The following SLC40A1 variants were observed in gnomAD, a reference collection of about 807,000 sequenced individuals.
SLC40A1 encodes solute carrier family 40 member 1, also known as ferroportin.
SLC40A1 carries 16 observed loss-of-function variants against 53.5 expected under a neutral mutation model. The ratio of observed to expected loss-of-function variants is 0.30; its 90% CI spans 0.20 to 0.45. The LOEUF is 0.45. SLC40A1 is among the 20% of genes least tolerant of loss of function. The pLI, the probability that SLC40A1 is intolerant of heterozygous loss-of-function variation, is 1.00. For synonymous variants in SLC40A1, 247 were observed against 253.2 expected (o/e 0.98, Z 0.23); for missense variants, 545 against 695.4 (o/e 0.78, Z 2.43).
intron 5 of SLC40A1, among the ~76,000 whole-genome samples, chr2:189,571,003 T>C (rs2031108406): frequency 6.6e-6 from 1 of 152,144 alleles, no homozygotes; most frequent in South Asian, 2.1e-4. Context: ...CCAAATTGTG[T>C]CTGTGTGTCA....
chr2:189,570,334 T>C (rs13415306), intron 5 of SLC40A1, among the ~76,000 whole-genome samples: 25 of 152,096 alleles, frequency 1.6e-4, no homozygotes, highest in African/African-American at 5.8e-4. Context: ...CCAACAAATA[T>C]ATGTGTGATC....
Position 189,562,263 on chromosome 2 carries a change from C to A in SLC40A1, c.1403-72G>T, listed in dbSNP as rs1179040780. ...TACATTTCAAATCACAGATAAAAAT[C>A]TGTTGACATATGCAAAATATACATT... is the stretch of plus-strand genomic sequence containing the variant. On this transcript the variant is annotated intron_variant, in intron 7 of 7. Coordinates refer to ENST00000261024, the MANE Select transcript of SLC40A1 (RefSeq NM_014585.6). The A allele has an allele frequency of 8.2e-6, 10 of 1,220,180 alleles. No individual in the cohort carries two copies. In the East Asian group the frequency reaches 2.6e-4, roughly 31 times the overall value. The allele number at this position is 1,220,180 out of a possible 1,614,324, so 75.6% of individuals were successfully genotyped here. A position where few individuals can be genotyped will look rare whatever the true frequency, so the allele number is the denominator to read the frequency against.
rs570067165 is a variant in SLC40A1 at position 189,565,277 on chromosome 2, C to A, written c.760+77G>T. On this transcript the variant is annotated intron_variant, in intron 6 of 7. Transcript: ENST00000261024. Reference sequence around the variant, plus strand: ...CTGGTAATAAAACCTGATACAAATTCAAAATAGTTTTGATCTTCACCAACA... The same window carrying A: ...CTGGTAATAAAACCTGATACAAATTAAAAATAGTTTTGATCTTCACCAACA... 7.0e-6 allele frequency: 11 copies of A among 1,581,010 alleles called. 1 individual carries two copies. The South Asian group carries it at 7.8e-5, about 11-fold the overall frequency.
chr2:189,572,250 G>T (rs576754055), intron 4 of SLC40A1, among the ~76,000 whole-genome samples: 1 of 152,116 alleles, frequency 6.6e-6, no homozygotes, highest in East Asian at 1.9e-4. Context: ...ATCAACTAAC[G>T]TTCACTTTGT....
intron 3 of SLC40A1, among the ~76,000 whole-genome samples, chr2:189,574,237 T>C (rs890016839): frequency 6.6e-6 from 1 of 152,212 alleles, no homozygotes; most frequent in African/African-American, 2.4e-5. Context: ...TTTCTATGTA[T>C]AATATTCCTA....
rs541881127 is a variant in SLC40A1, at chr2:189,565,814, T to C, written c.515-215A>G. Among the ~76,000 whole-genome samples the C allele has an allele frequency of 2.6e-5, 4 of 152,360 alleles. No homozygotes were observed. In the South Asian group the frequency reaches 8.3e-4, roughly 32 times the overall value. On this transcript the variant is annotated intron_variant, in intron 5 of 7. Transcript: ENST00000261024. ...CTCAACAATGATAATCCCCTTGGAA[T>C]TGCATAAATCAGTCTAATAGCTTTT...
chr2:189,577,979 T>C (rs909081718), intron 2 of SLC40A1, among the ~76,000 whole-genome samples: 4 of 152,118 alleles, frequency 2.6e-5, no homozygotes. Flanking sequence ...CATTGGCAGA[T>C]AGAAATGAAG....
rs1195748336 is a variant in SLC40A1, at chr2:189,561,208, A to G, written c.*670T>C. 1 of 152,310 alleles carries G rather than the reference A, an allele frequency of 6.6e-6. No individual in the cohort carries two copies. Among genetic ancestry groups the G allele is most frequent in the African/African-American group, 2.4e-5 (1 of 41,454 alleles). The allele number at this position is 152,310 out of a possible 1,614,324, so 9.4% of individuals were successfully genotyped here. On this transcript the variant is annotated 3_prime_UTR_variant, in exon 8 of 8. Coordinates refer to ENST00000261024, the MANE Select transcript of SLC40A1 (RefSeq NM_014585.6). ...AAATCTACTTTACAGCTTTGCTTCTACCTGCAGCTTACATGATAACCATGC... is the reference window on the plus strand; with the variant it reads ...AAATCTACTTTACAGCTTTGCTTCTGCCTGCAGCTTACATGATAACCATGC...
chr2:189,575,420 C>G, intron 2 of SLC40A1, 100 bp from the exon 3 acceptor site: 1 of 1,091,628 alleles, frequency 9.2e-7, no homozygotes, highest in Non-Finnish European at 1.4e-6. Flanking sequence ...TTCCTGGCTA[C>G]ATTATGAGAC....
At chr2:189,576,230 T>C (rs2031281898) in intron 2 of SLC40A1, among the ~76,000 whole-genome samples, 1 of 152,200 alleles carries the variant, frequency 6.6e-6, no homozygotes, top group Non-Finnish European at 1.5e-5. Flanking sequence ...TGTTCCATCA[T>C]AACTTATCTC....
At chr2:189,576,443 T>G (rs1245536724) in intron 2 of SLC40A1, among the ~76,000 whole-genome samples, 1 of 152,232 alleles carries the variant, frequency 6.6e-6, no homozygotes, top group Non-Finnish European at 1.5e-5. Context: ...AAAACTTAAA[T>G]TGATGCATGT....
chr2:189,567,691 A>C (rs902504105), intron 5 of SLC40A1, among the ~76,000 whole-genome samples: 2 of 152,226 alleles, frequency 1.3e-5, no homozygotes, highest in African/African-American at 4.8e-5. Flanking sequence ...TTCCTTCTGT[A>C]ATTCTTCCTG....
chr2:189,569,354 ACCTG>A (rs1276747271), intron 5 of SLC40A1, among the ~76,000 whole-genome samples: 1 of 152,158 alleles, frequency 6.6e-6, no homozygotes, highest in Non-Finnish European at 1.5e-5. Flanking sequence ...CTAGGCCCCT[ACCTG>A]GGTTTCTTTG....
chr2:189,577,076 C>T (rs933689606), intron 2 of SLC40A1, among the ~76,000 whole-genome samples: 1 of 152,132 alleles, frequency 6.6e-6, no homozygotes, highest in Non-Finnish European at 1.5e-5. Flanking sequence ...ACCAAGTGCC[C>T]ATCCTTCCTT....
At chr2:189,575,411 TC>T (rs2031258372) in intron 2 of SLC40A1, 91 bp from the exon 3 acceptor site, 1 of 1,228,282 alleles carries the variant, frequency 8.1e-7, no homozygotes, top group Non-Finnish European at 1.2e-6. Flanking sequence ...AAAGGGCACT[TC>T]CTGGCTACAT....
chr2:189,578,119 T>G, intron 2 of SLC40A1: 1 of 754,820 alleles, frequency 1.3e-6, no homozygotes, highest in Middle Eastern at 6.7e-4. Context: ...ATATATATAA[T>G]ACATATACAC....
At chr2:189,572,200 G>T (rs1010755059) in intron 4 of SLC40A1, among the ~76,000 whole-genome samples, 2 of 152,150 alleles carry the variant, frequency 1.3e-5, no homozygotes, top group Admixed American at 1.3e-4. Flanking sequence ...CTGTATTTAA[G>T]TCAGAGTTCT....
Position 189,572,834 on chromosome 2 carries a change from T to C in SLC40A1, c.387+12A>G, listed in dbSNP as rs766466332. 2.7e-5 allele frequency: 42 copies of C among 1,560,530 alleles called. No individual in the cohort carries two copies. In the South Asian group the frequency reaches 4.2e-4, roughly 16 times the overall value. The stretch of plus-strand genomic sequence containing the variant: ...CAATTTTCTGCCATCAAGAATCTCA[T>C]TGAGAACTTACGAGAACCCATCCAT... On this transcript the variant is annotated intron_variant, in intron 4 of 7. Coordinates refer to ENST00000261024, the MANE Select transcript of SLC40A1 (RefSeq NM_014585.6).
At chr2:189,567,427 T>C (rs990973850) in intron 5 of SLC40A1, among the ~76,000 whole-genome samples, 5 of 152,128 alleles carry the variant, frequency 3.3e-5, no homozygotes, top group Non-Finnish European at 7.4e-5. Context: ...TGTATCTCCA[T>C]CTCATCTCAT....
Sources: allele counts gnomAD v4.1 joint callset (sites outside exome capture counted in the v4.1 genomes callset), GRCh38; gene constraint gnomAD v4.1.1; transcripts MANE v1.5; gene names NCBI Gene and HGNC (gene_info 2026-07-23, HGNC 2026-07-21).